The following DTHD1 variants were observed in gnomAD, a reference collection of about 807,000 sequenced individuals.
DTHD1 encodes the protein death domain-containing protein 1.
DTHD1 carries 59 observed loss-of-function variants against 74.8 expected under a neutral mutation model. The observed-to-expected ratio is 0.79, with a 90% CI of 0.64 to 0.98. DTHD1 has a LOEUF of 0.98. Among genes scored for constraint, DTHD1 ranks in the 50% least tolerant of loss-of-function variants. The pLI, the probability that DTHD1 is intolerant of heterozygous loss-of-function variation, is 0.00. For missense variants in DTHD1, 1,051 were observed against 1,065.4 expected (o/e 0.99, Z 0.19); for synonymous variants, 365 against 371.1 (o/e 0.98, Z 0.19).
chr4:36,332,142 G>A (rs1028217973), intron 8 of DTHD1, among the ~76,000 whole-genome samples: 13 of 151,450 alleles, frequency 8.6e-5, no homozygotes, highest in African/African-American at 2.9e-4. Context: ...TCGAGATCAC[G>A]TCATTGCACT....
At chr4:36,286,092 T>C (rs1213617363) in intron 2 of DTHD1, among the ~76,000 whole-genome samples, 2 of 152,200 alleles carry the variant, frequency 1.3e-5, no homozygotes, top group African/African-American at 2.4e-5. Flanking sequence ...TTGGCCGTAA[T>C]GTTTCTACAG....
intron 8 of DTHD1, among the ~76,000 whole-genome samples, chr4:36,321,838 C>T (rs748406751): frequency 2.0e-5 from 3 of 152,194 alleles, no homozygotes; most frequent in Non-Finnish European, 4.4e-5. Flanking sequence ...CCCTCACTGA[C>T]TCCAAGGCAT....
intron 7 of DTHD1, among the ~76,000 whole-genome samples, chr4:36,310,998 C>T (rs567306795): frequency 1.4e-4 from 21 of 152,274 alleles, no homozygotes; most frequent in Non-Finnish European, 2.8e-4. Context: ...CCCACCCAAA[C>T]GAATGATGCA....
chr4:36,294,951 C>A lies in DTHD1; in HGVS notation c.1555C>A (p.Leu519Ile). 6.4e-7 allele frequency: 1 copy of A among 1,551,526 alleles called. No homozygotes were observed. The highest frequency in any genetic ancestry group is 1.2e-5 in the South Asian group (1 of 84,028). ...TTTGTTTTTACCTTGTTCTCCATAC[C>A]TTGATAAAAACAACCTTGGTTCTGA... ...VTLFLPCSPY[L>I]DKNNLGSEID... Residue 519 changes from leucine (L) to isoleucine (I), a missense_variant, in exon 5 of 10, where the codon CTT becomes ATT. Coordinates refer to ENST00000639862, the MANE Select transcript of DTHD1 (RefSeq NM_001170700.3).
chr4:36,328,416 A>G (rs982240338), intron 8 of DTHD1, among the ~76,000 whole-genome samples: 2 of 152,218 alleles, frequency 1.3e-5, no homozygotes, highest in Admixed American at 6.5e-5. Context: ...ACAGCAGATT[A>G]TTGGTGGATG....
At chr4:36,317,716 G>A (rs943103579) in intron 8 of DTHD1, among the ~76,000 whole-genome samples, 5 of 152,078 alleles carry the variant, frequency 3.3e-5, no homozygotes, top group East Asian at 1.9e-4. Flanking sequence ...ACAAAATTAC[G>A]TTGTAAAATA....
intron 9 of DTHD1, among the ~76,000 whole-genome samples, chr4:36,341,192 GA>G (rs1759293991): frequency 6.6e-6 from 1 of 152,136 alleles, no homozygotes; most frequent in South Asian, 2.1e-4. Context: ...GTGATAAAGA[GA>G]AGGAAAGAAA....
chr4:36,324,698 A>G (rs1758239931), intron 8 of DTHD1, among the ~76,000 whole-genome samples: 1 of 152,232 alleles, frequency 6.6e-6, no homozygotes, highest in Non-Finnish European at 1.5e-5. Flanking sequence ...TCTAGCTTTC[A>G]AGGAGATTAC....
In DTHD1 at chr4:36,312,410, A is replaced by G. The variant is rs1056854201; in HGVS notation, c.2096-3832A>G. Among the ~76,000 whole-genome samples the G allele has an allele frequency of 2.6e-5, 4 of 152,108 alleles. No individual in the cohort carries two copies. The East Asian group carries it at 7.7e-4, about 29-fold the overall frequency. On this transcript the variant is annotated intron_variant, in intron 7 of 9. Transcript: ENST00000639862. ...AAAATTTGTTGATCTTAGGTATATT[A>G]AAGTCTAATGAAGAAAGACAGAGAA...
At chr4:36,292,555 ATCTT>A (rs1356501294) in intron 3 of DTHD1, among the ~76,000 whole-genome samples, 1 of 152,162 alleles carries the variant, frequency 6.6e-6, no homozygotes, top group Non-Finnish European at 1.5e-5. Context: ...TTTCTAGAAG[ATCTT>A]TCTTTTTCAC....
At position 36,290,497 on chromosome 4, in the gene DTHD1, G is replaced by T. The variant is rs1329859259; in HGVS notation, c.1012G>T (p.Asp338Tyr). 2.4e-5 allele frequency: 38 copies of T among 1,551,588 alleles called. No homozygotes were observed. The highest frequency in any genetic ancestry group is 3.3e-5 in the Non-Finnish European group (38 of 1,146,996). ...INHMSSLIVGDNEELVSNVIT... is the reference protein window; with the variant it reads ...INHMSSLIVGYNEELVSNVIT... The stretch of plus-strand genomic sequence containing the variant: ...TCACATGAGTTCTTTAATAGTGGGT[G>T]ATAATGAAGAGTTAGTTAGCAACGT... The change falls in exon 3 of 10, where the codon GAT becomes TAT. Residue 338 changes from aspartate (D) to tyrosine (Y), a missense_variant. Transcript: ENST00000639862.
At chr4:36,329,111 G>C (rs1758521899) in intron 8 of DTHD1, among the ~76,000 whole-genome samples, 1 of 152,136 alleles carries the variant, frequency 6.6e-6, no homozygotes, top group Non-Finnish European at 1.5e-5. Flanking sequence ...CCAGATCCTT[G>C]TTTTCCTTAC....
intron 3 of DTHD1, 38 bp from the exon 4 acceptor site, chr4:36,293,488 G>T (rs930709156): frequency 1.4e-6 from 2 of 1,444,716 alleles, no homozygotes; most frequent in African/African-American, 1.4e-5. Flanking sequence ...TTTCAAATCA[G>T]TGCTATAGCT....
intron 5 of DTHD1, among the ~76,000 whole-genome samples, chr4:36,296,409 T>G (rs1040043852): frequency 6.6e-6 from 1 of 152,040 alleles, no homozygotes; most frequent in Admixed American, 6.6e-5. Context: ...TTTTTAAAAT[T>G]TGATATTGAG....
chr4:36,339,245 A>C, intron 9 of DTHD1, 76 bp downstream of exon 9: 1 of 1,004,028 alleles, frequency 1.0e-6, no homozygotes, highest in Non-Finnish European at 1.4e-6. Context: ...GAATCATTTC[A>C]TAAAAAGGAA....
chr4:36,336,231 A>G (rs1196408148), intron 8 of DTHD1, among the ~76,000 whole-genome samples: 2 of 152,256 alleles, frequency 1.3e-5, no homozygotes, highest in Non-Finnish European at 2.9e-5. Flanking sequence ...TGCAAGTGGC[A>G]TATAAGATAT....
rs369817688 is a variant in DTHD1 at position 36,291,706 on chromosome 4, T to A, written c.1218+1003T>A. 1.2e-4 allele frequency among the ~76,000 whole-genome samples: 18 copies of A among 152,258 alleles called. No individual in the cohort carries two copies. In the South Asian group the frequency reaches 2.9e-3, roughly 25 times the overall value. On this transcript the variant is annotated intron_variant, in intron 3 of 9. Coordinates refer to ENST00000639862, the MANE Select transcript of DTHD1 (RefSeq NM_001170700.3). ...AGCTGGGCCTGGTAGTGCATGTCTA[T>A]AATCCCAGCTACTGGGGAGGCTGAG...
At chr4:36,310,400 A>G (rs993535541) in intron 7 of DTHD1, among the ~76,000 whole-genome samples, 1 of 152,194 alleles carries the variant, frequency 6.6e-6, no homozygotes, top group Non-Finnish European at 1.5e-5. Flanking sequence ...CATCACAACA[A>G]TTTCTTTTTC....
intron 8 of DTHD1, among the ~76,000 whole-genome samples, chr4:36,325,881 CT>C (rs1758312306): frequency 1.3e-5 from 2 of 152,270 alleles, no homozygotes; most frequent in African/African-American, 4.8e-5. Context: ...CACTAGTTCC[CT>C]TATCTGCTTT....
Sources: gnomAD v4.1 joint callset for allele counts (sites outside exome capture counted in the v4.1 genomes callset) on GRCh38, gnomAD v4.1.1 for gene constraint, MANE v1.5 for transcripts, NCBI Gene and HGNC (gene_info 2026-07-23, HGNC 2026-07-21) for gene names.